MAGI2: variants seen among roughly 807,000 people sequenced by gnomAD.
MAGI2 encodes the protein membrane-associated guanylate kinase, WW and PDZ domain-containing protein 2.
In MAGI2, 35 loss-of-function variants were observed where a neutral mutation model predicts 133.3. That is an observed-to-expected ratio of 0.26 (90% CI 0.20 to 0.35). MAGI2 has a LOEUF of 0.35. Ranked by LOEUF, MAGI2 falls within the 10% of genes least tolerant of loss-of-function variation. The pLI, the probability that MAGI2 is intolerant of heterozygous loss-of-function variation, is 1.00. For synonymous variants in MAGI2, 729 were observed against 710.6 expected, an observed-to-expected ratio of 1.03 and a Z score of -0.41; for missense variants, 1,636 against 1,863.4, an observed-to-expected ratio of 0.88 and a Z score of 2.25.
chr7:78,232,381 CAT>C (rs998263429), intron 10 of MAGI2, among the ~76,000 whole-genome samples: 1 of 152,076 alleles, frequency 6.6e-6, no homozygotes. Context: ...GGTTTTATAA[CAT>C]AAAAACATAA....
At chr7:79,240,122 G>T (rs1832272093) in intron 1 of MAGI2, among the ~76,000 whole-genome samples, 1 of 152,108 alleles carries the variant, frequency 6.6e-6, no homozygotes, top group South Asian at 2.1e-4. Context: ...CCTGGTCTGA[G>T]ACCTGAAGGC....
chr7:78,047,106 G>T (rs1156408989), intron 21 of MAGI2, among the ~76,000 whole-genome samples: 1 of 152,198 alleles, frequency 6.6e-6, no homozygotes, highest in Non-Finnish European at 1.5e-5. Context: ...GACAGAATGA[G>T]CACTTCTTAG....
intron 2 of MAGI2, among the ~76,000 whole-genome samples, chr7:78,654,703 GTATATATATATATA>G (rs57776940): frequency 0.14 from 16,721 of 118,064 alleles, 1,305 homozygotes; most frequent in African/African-American, 0.23. Context: ...TTACATATAT[GTATATATATATATA>G]TATATATATA....
chr7:79,218,433 C>T (rs929704824), intron 1 of MAGI2, among the ~76,000 whole-genome samples: 1 of 152,028 alleles, frequency 6.6e-6, no homozygotes, highest in East Asian at 1.9e-4. Context: ...GCTATGTAAC[C>T]TTTACCAGTT....
At chr7:78,457,985 C>G (rs1377693969) in intron 6 of MAGI2, among the ~76,000 whole-genome samples, 2 of 152,146 alleles carry the variant, frequency 1.3e-5, no homozygotes, top group African/African-American at 2.4e-5. Flanking sequence ...AATTTATAGT[C>G]TACACATAGT....
At chr7:78,613,584 T>C (rs1563244076) in intron 3 of MAGI2, among the ~76,000 whole-genome samples, 1 of 152,048 alleles carries the variant, frequency 6.6e-6, no homozygotes, top group African/African-American at 2.4e-5. Flanking sequence ...AGAAAGCAAA[T>C]AATGTCAATG....
chr7:78,789,011 A>T (rs2151362483), intron 2 of MAGI2, among the ~76,000 whole-genome samples: 1 of 152,206 alleles, frequency 6.6e-6, no homozygotes, highest in South Asian at 2.1e-4. Flanking sequence ...CATCCTGTCT[A>T]GGGTAGATTT....
chr7:78,189,884 C>A (rs532777540), intron 12 of MAGI2, among the ~76,000 whole-genome samples: 1 of 152,294 alleles, frequency 6.6e-6, no homozygotes, highest in East Asian at 1.9e-4. Flanking sequence ...TCAACACACC[C>A]ATCAGAATGA....
chr7:78,853,328 CGTTCTTTTTTTTTTTT>C (rs1793308650), intron 2 of MAGI2, among the ~76,000 whole-genome samples: 1 of 59,746 alleles, frequency 1.7e-5, no homozygotes, highest in African/African-American at 6.4e-5. Context: ...CTTGTCCATT[CGTTCTTTTTTTTTTTT>C]TTTTTTTTTT....
intron 1 of MAGI2, among the ~76,000 whole-genome samples, chr7:79,250,902 C>T (rs1352050703): frequency 6.6e-6 from 1 of 152,036 alleles, no homozygotes; most frequent in Non-Finnish European, 1.5e-5. Flanking sequence ...GACACATAGG[C>T]CATCACAATA....
intron 3 of MAGI2, among the ~76,000 whole-genome samples, chr7:78,596,676 G>C (rs1804643713): frequency 6.6e-6 from 1 of 152,106 alleles, no homozygotes; most frequent in South Asian, 2.1e-4. Context: ...CAAACTCCAG[G>C]TGATATCTAA....
chr7:78,818,562 T>C (rs246466), intron 2 of MAGI2, among the ~76,000 whole-genome samples: 148,015 of 152,290 alleles, frequency 0.97, 71,957 homozygotes, highest in East Asian at 1. Flanking sequence ...CCAACCTTAA[T>C]GCTATTTTCC....
chr7:79,289,214 T>C (rs1310184184), intron 1 of MAGI2, among the ~76,000 whole-genome samples: 2 of 152,156 alleles, frequency 1.3e-5, no homozygotes, highest in African/African-American at 4.8e-5. Context: ...CAAAAATGAC[T>C]TTGCCCAGAT....
intron 7 of MAGI2, among the ~76,000 whole-genome samples, chr7:78,357,817 C>T (rs1044786393): frequency 6.6e-6 from 1 of 151,648 alleles, no homozygotes; most frequent in African/African-American, 2.4e-5. Flanking sequence ...CTTTTCTTTA[C>T]AATTGTAGTT....
chr7:78,630,984 C>T (rs1443797908), intron 2 of MAGI2, among the ~76,000 whole-genome samples: 1 of 152,084 alleles, frequency 6.6e-6, no homozygotes, highest in Non-Finnish European at 1.5e-5. Context: ...AGTTTCTCCT[C>T]TTCCCTAGAC....
intron 20 of MAGI2, among the ~76,000 whole-genome samples, chr7:78,085,583 A>ACACACACAC (rs59163698): frequency 1.9e-4 from 20 of 105,300 alleles, no homozygotes; most frequent in South Asian, 1.1e-3. Flanking sequence ...CACACACACA[A>ACACACACAC]ACAAAACAAA....
intron 1 of MAGI2, among the ~76,000 whole-genome samples, chr7:79,066,866 A>T (rs1452267224): frequency 1.6e-4 from 25 of 152,138 alleles, no homozygotes; most frequent in Admixed American, 1.6e-3. Context: ...TAAATAGGGA[A>T]TCCTTTCCCC....
intron 2 of MAGI2, among the ~76,000 whole-genome samples, chr7:78,696,163 C>A (rs188655014): frequency 4.6e-5 from 7 of 152,232 alleles, no homozygotes; most frequent in African/African-American, 1.7e-4. Flanking sequence ...TGCTCAAATT[C>A]CTGGCCTCAA....
chr7:78,677,983 A>G (rs10240204), intron 2 of MAGI2, among the ~76,000 whole-genome samples: 18,974 of 152,086 alleles, frequency 0.12, 1,448 homozygotes, highest in African/African-American at 0.2. Context: ...TGGGATGCAC[A>G]GAAAACTTCC....
Sources: allele counts gnomAD v4.1 joint callset (sites outside exome capture counted in the v4.1 genomes callset), GRCh38; gene constraint gnomAD v4.1.1; transcripts MANE v1.5; gene names NCBI Gene and HGNC (gene_info 2026-07-23, HGNC 2026-07-21).